TOM1L2: variants seen among roughly 807,000 people sequenced by gnomAD.
TOM1L2 encodes the protein TOM1-like protein 2.
Under a neutral mutation model 67.9 loss-of-function variants are expected in TOM1L2, and 31 were observed. That is an observed-to-expected ratio of 0.46 (90% CI 0.34 to 0.62). TOM1L2 has a LOEUF of 0.62. Ranked by LOEUF, TOM1L2 falls within the 20% of genes least tolerant of loss-of-function variation. The pLI is 0.01. For synonymous variants in TOM1L2, 256 were observed against 254.0 expected (o/e 1.01, Z -0.07); for missense variants, 606 against 663.5 (o/e 0.91, Z 0.95).
At chr17:17,948,305 G>GC (rs1387416813) in intron 1 of TOM1L2, among the ~76,000 whole-genome samples, 1 of 152,114 alleles carries the variant, frequency 6.6e-6, no homozygotes, top group Admixed American at 6.5e-5. Flanking sequence ...GAGGGCAATA[G>GC]CCCCCCAGAG....
chr17:17,936,057 T>A (rs1425962716), intron 1 of TOM1L2, among the ~76,000 whole-genome samples: 1 of 152,228 alleles, frequency 6.6e-6, no homozygotes, highest in Non-Finnish European at 1.5e-5. Context: ...GGTTTCCCAC[T>A]GCTGTTAGGA....
chr17:17,934,872 T>C (rs973555349), intron 1 of TOM1L2, among the ~76,000 whole-genome samples: 1 of 152,196 alleles, frequency 6.6e-6, no homozygotes, highest in Admixed American at 6.5e-5. Context: ...ACCTTCAGAA[T>C]GAAACACAGG....
intron 2 of TOM1L2, among the ~76,000 whole-genome samples, chr17:17,903,574 C>G (rs2038952221): frequency 6.7e-6 from 1 of 149,074 alleles, no homozygotes; most frequent in Non-Finnish European, 1.5e-5. Flanking sequence ...GATCGCGCCA[C>G]TGCACTCCAG....
At chr17:17,965,551 T>C (rs1038368954) in intron 1 of TOM1L2, among the ~76,000 whole-genome samples, 2 of 152,204 alleles carry the variant, frequency 1.3e-5, no homozygotes, top group East Asian at 3.9e-4. Context: ...ACAGTGTTCC[T>C]CCTCACTTTA....
Position 17,882,727 on chromosome 17 carries a change from G to A in TOM1L2, c.638C>T (p.Pro213Leu), listed in dbSNP as rs142515051. Residue 213 changes from proline to leucine, a missense_variant, in exon 6 of 15, where the codon CCC (proline) becomes CTC (leucine). Pro to Leu is a moderately conservative substitution (Grantham distance 98, BLOSUM62 -3). This residue lies in a region of TOM1L2 where 543 missense variants were observed against 554.0 expected (regional missense o/e 0.98). Coordinates refer to ENST00000379504, the MANE Select transcript of TOM1L2 (RefSeq NM_001082968.2). ...TACCTGTTCTGAATTGGCTGTGATG[G>A]GGCCAGTCACACTCAGAGCTGGGGC... is the stretch of plus-strand genomic sequence containing the variant. ...PQAPALSVTG[P>L]ITANSEQIAR... The A allele has an allele frequency of 1.9e-6, 3 of 1,614,066 alleles. No individual in the cohort carries two copies. Among genetic ancestry groups the A allele is most frequent in the Middle Eastern group, 1.6e-4 (1 of 6,084 alleles).
At chr17:17,924,065 G>A (rs1044448126) in intron 1 of TOM1L2, among the ~76,000 whole-genome samples, 5 of 151,074 alleles carry the variant, frequency 3.3e-5, no homozygotes, top group Non-Finnish European at 7.4e-5. Flanking sequence ...TTGAACCCAG[G>A]AGCAGAGGTT....
At chr17:17,871,302 C>T (rs1271324025) in intron 7 of TOM1L2, among the ~76,000 whole-genome samples, 3 of 151,902 alleles carry the variant, frequency 2.0e-5, no homozygotes, top group Non-Finnish European at 2.9e-5. Context: ...ACCCAGGAGG[C>T]GGAGCTTGCA....
chr17:17,924,119 A>G (rs1444785005), intron 1 of TOM1L2, among the ~76,000 whole-genome samples: 1 of 152,188 alleles, frequency 6.6e-6, no homozygotes, highest in Non-Finnish European at 1.5e-5. Flanking sequence ...AATGGGCAAC[A>G]GAGCAAGACT....
At chr17:17,957,095 C>T (rs991325114) in intron 1 of TOM1L2, among the ~76,000 whole-genome samples, 4 of 152,222 alleles carry the variant, frequency 2.6e-5, no homozygotes, top group Admixed American at 6.5e-5. Context: ...CCTCCTGCCT[C>T]AGCCTCCAAA....
intron 1 of TOM1L2, among the ~76,000 whole-genome samples, chr17:17,922,844 T>A (rs1341979966): frequency 1.3e-5 from 2 of 152,116 alleles, no homozygotes; most frequent in Non-Finnish European, 2.9e-5. Context: ...AGGGTGACTG[T>A]CTCCAATGCT....
chr17:17,854,979 G>A (rs544330940), intron 12 of TOM1L2, among the ~76,000 whole-genome samples: 1 of 152,302 alleles, frequency 6.6e-6, no homozygotes, highest in South Asian at 2.1e-4. Flanking sequence ...GCTAGCAGAG[G>A]AATGCCCTCC....
chr17:17,925,059 A>G (rs1048581179), intron 1 of TOM1L2, among the ~76,000 whole-genome samples: 3 of 152,162 alleles, frequency 2.0e-5, no homozygotes, highest in African/African-American at 7.2e-5. Context: ...TGTTTTCACC[A>G]TGTGAGGTGC....
intron 4 of TOM1L2, among the ~76,000 whole-genome samples, chr17:17,887,870 C>T (rs1183095581): frequency 6.6e-6 from 1 of 152,200 alleles, no homozygotes; most frequent in Non-Finnish European, 1.5e-5. Context: ...ATTCAGTTCT[C>T]ACAGTTACTA....
At chr17:17,860,422 C>G (rs1189793399) in intron 12 of TOM1L2, among the ~76,000 whole-genome samples, 1 of 152,238 alleles carries the variant, frequency 6.6e-6, no homozygotes, top group Non-Finnish European at 1.5e-5. Flanking sequence ...GGGATGCATG[C>G]CCTCAGATCC....
rs2035651381 is a variant in TOM1L2, at chr17:17,846,548, G to A, written c.*1087C>T. 1 of 152,618 alleles carries A rather than the reference G, an allele frequency of 6.6e-6. No individual in the cohort carries two copies. Among genetic ancestry groups the A allele is most frequent in the African/African-American group, 2.4e-5 (1 of 41,480 alleles). 9.5% of individuals were successfully genotyped at this position (152,618 alleles called of 1,614,324 possible). A position where few individuals can be genotyped will look rare whatever the true frequency, so the allele number is the denominator to read the frequency against. The stretch of plus-strand genomic sequence containing the variant: ...GGTGGCCAGAGGACCTCTGAGGTGG[G>A]AGGAGGCCAGACTGTCAGGAGAGTC... On this transcript the variant is annotated 3_prime_UTR_variant, in exon 15 of 15. Transcript: ENST00000379504.
intron 2 of TOM1L2, among the ~76,000 whole-genome samples, chr17:17,904,313 T>A (rs1673594773): frequency 6.6e-6 from 1 of 152,192 alleles, no homozygotes; most frequent in African/African-American, 2.4e-5. Context: ...CCCTTCAGAA[T>A]AAGGAAGCTC....
chr17:17,898,575 C>T (rs1182437639), intron 3 of TOM1L2, 21 bp downstream of exon 3: 57 of 1,613,744 alleles, frequency 3.5e-5, no homozygotes, highest in Non-Finnish European at 4.3e-5. Context: ...GACTTCTCTC[C>T]TCAAGGAGAA....
At chr17:17,902,660 C>T (rs1342272248) in intron 2 of TOM1L2, among the ~76,000 whole-genome samples, 2 of 152,204 alleles carry the variant, frequency 1.3e-5, no homozygotes, top group Non-Finnish European at 2.9e-5. Context: ...TCACAGACAG[C>T]AGACAGGGTA....
At chr17:17,919,473 G>A (rs2039762665) in intron 1 of TOM1L2, among the ~76,000 whole-genome samples, 1 of 152,222 alleles carries the variant, frequency 6.6e-6, no homozygotes, top group Non-Finnish European at 1.5e-5. Context: ...AGACCTCCAT[G>A]CTTCCAGAAG....
Sources: gnomAD v4.1 joint callset for allele counts (sites outside exome capture counted in the v4.1 genomes callset) on GRCh38, gnomAD v4.1.1 for gene constraint, gnomAD v4.1.1 regional missense constraint, MANE v1.5 for transcripts, NCBI Gene and HGNC (gene_info 2026-07-23, HGNC 2026-07-21) for gene names.